The following SNTG2 variants were observed in gnomAD, a reference collection of about 807,000 sequenced individuals.
SNTG2 encodes the protein syntrophin gamma 2.
Under a neutral mutation model 70.9 loss-of-function variants are expected in SNTG2, and 74 were observed. That is an observed-to-expected ratio of 1.04 (90% confidence interval 0.86 to 1.27). SNTG2 has a LOEUF of 1.27. Ranked by LOEUF, SNTG2 falls within the 50% of genes most tolerant of loss-of-function variation. SNTG2 has a pLI of 0.00. For synonymous variants in SNTG2, 278 were observed against 273.8 expected, an observed-to-expected ratio of 1.02 and a Z score of -0.15; for missense variants, 717 against 690.7, an observed-to-expected ratio of 1.04 and a Z score of -0.43.
chr2:1,331,566 AAG>A (rs1659530477), intron 16 of SNTG2, among the ~76,000 whole-genome samples: 1 of 152,088 alleles, frequency 6.6e-6, no homozygotes, highest in African/African-American at 2.4e-5. Context: ...AAGCCTTATG[AAG>A]TTTGTGGGTC....
chr2:1,052,287 T>A (rs1022080945), intron 1 of SNTG2, among the ~76,000 whole-genome samples: 17 of 152,222 alleles, frequency 1.1e-4, no homozygotes, highest in Non-Finnish European at 1.6e-4. Flanking sequence ...AGTTCAACTT[T>A]TAAGTTACGT....
At chr2:1,188,564 T>C (rs993678285) in intron 8 of SNTG2, among the ~76,000 whole-genome samples, 7 of 152,146 alleles carry the variant, frequency 4.6e-5, no homozygotes, top group Non-Finnish European at 7.4e-5. Flanking sequence ...ACAATAATAA[T>C]GAGCAATACC....
intron 1 of SNTG2, among the ~76,000 whole-genome samples, chr2:968,965 T>G (rs1660653394): frequency 6.6e-6 from 1 of 152,166 alleles, no homozygotes; most frequent in Non-Finnish European, 1.5e-5. Context: ...CCAGAGTGTC[T>G]CGGTTTTCCT....
intron 16 of SNTG2, among the ~76,000 whole-genome samples, chr2:1,354,265 T>G (rs9753188): frequency 8.2e-6 from 1 of 121,930 alleles, no homozygotes; most frequent in Non-Finnish European, 1.7e-5. Context: ...GGGTGTTCCG[T>G]GGCAGAGCGG....
At chr2:1,354,143 A>T (rs1204924534) in intron 16 of SNTG2, among the ~76,000 whole-genome samples, 1 of 152,204 alleles carries the variant, frequency 6.6e-6, no homozygotes, top group Non-Finnish European at 1.5e-5. Context: ...ATATTAAAAA[A>T]CTTTATAAAA....
At chr2:1,047,419 A>G (rs1380321771) in intron 1 of SNTG2, among the ~76,000 whole-genome samples, 2 of 152,200 alleles carry the variant, frequency 1.3e-5, no homozygotes, top group Non-Finnish European at 2.9e-5. Flanking sequence ...GGACAAGAAT[A>G]CATTTTGGCT....
At chr2:1,261,428 T>C (rs1470704936) in intron 13 of SNTG2, among the ~76,000 whole-genome samples, 1 of 152,210 alleles carries the variant, frequency 6.6e-6, no homozygotes, top group Non-Finnish European at 1.5e-5. Context: ...GTGATTTTGT[T>C]TTTTCTCTGA....
intron 1 of SNTG2, among the ~76,000 whole-genome samples, chr2:1,040,071 A>G (rs1661347281): frequency 6.6e-6 from 1 of 152,194 alleles, no homozygotes; most frequent in Non-Finnish European, 1.5e-5. Flanking sequence ...TGTGCGGGTC[A>G]CATGAACACT....
chr2:967,764 C>T (rs1660617435), intron 1 of SNTG2, among the ~76,000 whole-genome samples: 1 of 152,154 alleles, frequency 6.6e-6, no homozygotes, highest in Non-Finnish European at 1.5e-5. Context: ...CACGGTGGCT[C>T]ACGCTTGTAA....
intron 16 of SNTG2, among the ~76,000 whole-genome samples, chr2:1,366,943 C>T (rs969592059): frequency 6.6e-5 from 10 of 152,218 alleles, no homozygotes; most frequent in South Asian, 4.1e-4. Context: ...GGGTCTGCTG[C>T]GACGGGATCC....
At chr2:1,046,929 G>C (rs1212429153) in intron 1 of SNTG2, among the ~76,000 whole-genome samples, 4 of 152,004 alleles carry the variant, frequency 2.6e-5, no homozygotes, top group Non-Finnish European at 5.9e-5. Flanking sequence ...GGAAATTTTT[G>C]TTGTTATTTT....
chr2:988,450 C>CT (rs2147975487), intron 1 of SNTG2, among the ~76,000 whole-genome samples: 1 of 152,162 alleles, frequency 6.6e-6, no homozygotes, highest in South Asian at 2.1e-4. Context: ...TTTTTGGCTT[C>CT]TTTTTTCAGA....
chr2:1,206,458 T>C (rs1459293104), intron 8 of SNTG2, among the ~76,000 whole-genome samples: 1 of 152,220 alleles, frequency 6.6e-6, no homozygotes, highest in Non-Finnish European at 1.5e-5. Context: ...GGGGTAACAC[T>C]GGCATGTTCC....
At chr2:1,041,161 A>G (rs960556622) in intron 1 of SNTG2, among the ~76,000 whole-genome samples, 1 of 152,154 alleles carries the variant, frequency 6.6e-6, no homozygotes, top group Admixed American at 6.5e-5. Context: ...TGCTGCAGAC[A>G]CCTTCACCTG....
At chr2:1,047,043 A>G (rs1661779082) in intron 1 of SNTG2, among the ~76,000 whole-genome samples, 1 of 151,742 alleles carries the variant, frequency 6.6e-6, no homozygotes, top group African/African-American at 2.4e-5. Context: ...TTCCTTGGAG[A>G]TGTTCTTCAG....
At chr2:1,356,819 C>T (rs1357203802) in intron 16 of SNTG2, among the ~76,000 whole-genome samples, 1 of 151,746 alleles carries the variant, frequency 6.6e-6, no homozygotes, top group Non-Finnish European at 1.5e-5. Flanking sequence ...TTTTTATTTA[C>T]TTGTGTCTTT....
chr2:1,228,784 C>T (rs958518676), intron 9 of SNTG2, among the ~76,000 whole-genome samples: 3 of 152,192 alleles, frequency 2.0e-5, no homozygotes, highest in Admixed American at 6.5e-5. Context: ...ACTTCAAGAA[C>T]GAAGCCGCGG....
chr2:1,198,023 A>T (rs188154346), intron 8 of SNTG2, among the ~76,000 whole-genome samples: 150 of 152,144 alleles, frequency 9.9e-4, no homozygotes, highest in African/African-American at 3.5e-3. Context: ...TATTTACAGA[A>T]TTTTTTTTAA....
intron 13 of SNTG2, among the ~76,000 whole-genome samples, chr2:1,265,343 C>T (rs928850401): frequency 7.2e-5 from 11 of 152,242 alleles, no homozygotes; most frequent in Admixed American, 3.9e-4. Context: ...CACACATTCA[C>T]GTACACACAC....
Sources: gnomAD v4.1 joint callset for allele counts (sites outside exome capture counted in the v4.1 genomes callset) on GRCh38, gnomAD v4.1.1 for gene constraint, MANE v1.5 for transcripts, NCBI Gene and HGNC (gene_info 2026-07-23, HGNC 2026-07-21) for gene names.